MAP3K11: variants seen among roughly 807,000 people sequenced by gnomAD.
The protein encoded by MAP3K11 is SH3 domain-containing proline-rich kinase.
Under a neutral mutation model 84.9 loss-of-function variants are expected in MAP3K11, and 46 were observed. The observed-to-expected ratio is 0.54, with a 90% confidence interval of 0.43 to 0.69. The LOEUF is 0.69. Among genes scored for constraint, MAP3K11 ranks in the 30% least tolerant of loss-of-function variants. MAP3K11 has a pLI of 0.00. For missense variants in MAP3K11, 1,053 were observed against 1,198.3 expected (o/e 0.88, Z 1.79); for synonymous variants, 527 against 514.7 (o/e 1.02, Z -0.32).
chr11:65,600,797 C>T (rs994568557), intron 8 of MAP3K11, among the ~76,000 whole-genome samples: 11 of 152,158 alleles, frequency 7.2e-5, no homozygotes, highest in African/African-American at 2.7e-4. Flanking sequence ...CTGGCCTTGT[C>T]CCTCTGCCTT....
At position 65,605,970 on chromosome 11, in the gene MAP3K11, T is replaced by A. The variant is rs1439691829; in HGVS notation, c.1715A>T (p.Lys572Met). Residue 572 changes from lysine (K) to methionine (M), a missense_variant, in exon 7 of 10, where the codon AAG (lysine) becomes ATG (methionine). Around this residue, in one of 3 missense-constraint regions of MAP3K11, gnomAD observed 583 missense variants for 566.6 expected, o/e 1.03. Transcript: ENST00000309100. ...CCTCCCATTCTGGGCTTCCCCAGGC[T>A]TGGGGGAACTGGGACCCCAAGCCCA... ...ACWAWGPSSP[K>M]PGEAQNGRRR... 6.2e-7 allele frequency: 1 copy of A among 1,602,772 alleles called. No individual in the cohort carries two copies. The highest frequency in any genetic ancestry group is 8.5e-7 in the Non-Finnish European group (1 of 1,176,300).
At chr11:65,602,444 G>A (rs1196724553) in intron 8 of MAP3K11, among the ~76,000 whole-genome samples, 5 of 152,110 alleles carry the variant, frequency 3.3e-5, no homozygotes, top group East Asian at 3.9e-4. Flanking sequence ...TCAGGAGTTC[G>A]GGACCAGCCT....
Position 65,608,014 on chromosome 11 carries a change from T to C in MAP3K11, c.977A>G (p.Asp326Gly), listed in dbSNP as rs1373598848. Residue 326 changes from aspartate (D) to glycine (G), a missense_variant, in exon 3 of 10, where the codon GAC (aspartate) becomes GGC (glycine). Asp to Gly is a moderately conservative substitution (Grantham distance 94). Transcript: ENST00000309100. ...LTGEVPYRGIDCLAVAYGVAV... is the reference protein window; with the variant it reads ...LTGEVPYRGIGCLAVAYGVAV... Reference sequence around the variant, plus strand: ...TACGCCATAGGCCACAGCAAGGCAGTCAATGCCACGGTATGGCACCTCCCC... The same window carrying C: ...TACGCCATAGGCCACAGCAAGGCAGCCAATGCCACGGTATGGCACCTCCCC... 17 of 1,614,172 alleles carry C rather than the reference T, an allele frequency of 1.1e-5. No individual in the cohort carries two copies. Among genetic ancestry groups the C allele is most frequent in the Non-Finnish European group, 1.4e-5 (17 of 1,180,024 alleles).
chr11:65,606,095 C>A lies in MAP3K11; in HGVS notation c.1604-14G>T. On this transcript the variant is annotated splice_polypyrimidine_tract_variant and intron_variant, in intron 6 of 9. Coordinates refer to ENST00000309100, the MANE Select transcript of MAP3K11 (RefSeq NM_002419.4). ...CTGCAGGCTCCACTGCAGGGGAAAC[C>A]GATGAAATCGGAGATAATCTTTATT... The A allele has an allele frequency of 6.4e-7, 1 of 1,559,080 alleles. No individual in the cohort carries two copies.
At chr11:65,606,228 T>C in intron 6 of MAP3K11, 147 bp from the exon 7 acceptor site, 1 of 911,414 alleles carries the variant, frequency 1.1e-6, no homozygotes, top group Non-Finnish European at 1.5e-6. Flanking sequence ...TAGATGGGTT[T>C]GGGTCTTGGG....
At chr11:65,612,391 T>C (rs1854579757) in intron 1 of MAP3K11, 1 of 152,318 alleles carries the variant, frequency 6.6e-6, no homozygotes, top group African/African-American at 2.4e-5. Flanking sequence ...TCCATCTCCA[T>C]GGCTGAGGAC....
At chr11:65,604,276 C>T (rs143344696) in intron 8 of MAP3K11, among the ~76,000 whole-genome samples, 1 of 152,386 alleles carries the variant, frequency 6.6e-6, no homozygotes, top group East Asian at 1.9e-4. Context: ...GAGCTGAGGG[C>T]CAGAGAGTTC....
Position 65,599,648 on chromosome 11 carries a change from A to G in MAP3K11, c.1952T>C (p.Leu651Pro). The G allele has an allele frequency of 6.5e-7, 1 of 1,543,874 alleles. No homozygotes were observed. Among genetic ancestry groups the G allele is most frequent in the Non-Finnish European group, 8.7e-7 (1 of 1,149,472 alleles). Residue 651 changes from leucine to proline, a missense_variant, in exon 9 of 10, where the codon CTG (leucine) becomes CCG (proline). Coordinates refer to ENST00000309100, the MANE Select transcript of MAP3K11 (RefSeq NM_002419.4). ...IQRALLRGTALLASLGLGRDL... is the reference protein window; with the variant it reads ...IQRALLRGTAPLASLGLGRDL... The stretch of plus-strand genomic sequence containing the variant: ...GCGGCCAAGGCCCAGCGAGGCGAGC[A>G]GGGCGGTGCCGCGCAGCAGCGCCCG...
chr11:65,608,207 G>A (rs991900561), intron 2 of MAP3K11, 61 bp downstream of exon 2: 1 of 1,591,860 alleles, frequency 6.3e-7, no homozygotes, highest in Non-Finnish European at 8.6e-7. Context: ...CTAGATTTAG[G>A]CAGCCACCTC....
In MAP3K11 at chr11:65,607,788, C is replaced by G; in HGVS notation, c.1098G>C (p.Arg366Ser). The change falls in exon 4 of 10, where the codon AGG (arginine) becomes AGC (serine). Residue 366 changes from arginine to serine, a missense_variant. Transcript: ENST00000309100. ...GCTGCAGGATGGAGGCGAAGTCGGG[C>G]CTGCGGTGGGGGTCCTGCGCCCAGC... ...ADCWAQDPHRRPDFASILQQL... is the reference protein window; with the variant it reads ...ADCWAQDPHRSPDFASILQQL... The G allele has an allele frequency of 6.2e-7, 1 of 1,612,604 alleles. No homozygotes were observed. Among genetic ancestry groups the G allele is most frequent in the Non-Finnish European group, 8.5e-7 (1 of 1,179,468 alleles).
At position 65,598,215 on chromosome 11, in the gene MAP3K11, T is replaced by A. The variant is rs752756299; in HGVS notation, c.*76A>T. 15 of 1,252,432 alleles carry A rather than the reference T, an allele frequency of 1.2e-5. No individual in the cohort carries two copies. The highest frequency in any genetic ancestry group is 1.5e-5 in the Non-Finnish European group (15 of 968,010). 77.6% of individuals were successfully genotyped at this position (1,252,432 alleles called of 1,614,324 possible). A position where few individuals can be genotyped will look rare whatever the true frequency, so the allele number is the denominator to read the frequency against. Reference sequence around the variant, plus strand: ...GGGAAACTGAGGCAGCTGCAGAGGCTGACCCAGCTCCTGTTCCAGTGTATG... The same window carrying A: ...GGGAAACTGAGGCAGCTGCAGAGGCAGACCCAGCTCCTGTTCCAGTGTATG... On this transcript the variant is annotated 3_prime_UTR_variant, in exon 10 of 10. Coordinates refer to ENST00000309100, the MANE Select transcript of MAP3K11 (RefSeq NM_002419.4).
intron 8 of MAP3K11, among the ~76,000 whole-genome samples, chr11:65,604,449 G>C (rs1372004638): frequency 1.3e-5 from 2 of 152,268 alleles, no homozygotes; most frequent in Non-Finnish European, 2.9e-5. Flanking sequence ...GATGCTGGGG[G>C]CAGTGCAGCT....
chr11:65,603,588 G>A (rs531214577), intron 8 of MAP3K11, among the ~76,000 whole-genome samples: 2 of 152,374 alleles, frequency 1.3e-5, no homozygotes, highest in South Asian at 4.1e-4. Flanking sequence ...CAGGGTCTGG[G>A]ACCTCTGTGA....
chr11:65,608,514 G>A (rs1590857544), intron 1 of MAP3K11, 66 bp from the exon 2 acceptor site: 1 of 1,500,422 alleles, frequency 6.7e-7, no homozygotes, highest in Non-Finnish European at 9.2e-7. Flanking sequence ...TAAGAGCTGG[G>A]AGCAAACTCA....
At chr11:65,601,324 C>T (rs1219417873) in intron 8 of MAP3K11, among the ~76,000 whole-genome samples, 2 of 152,170 alleles carry the variant, frequency 1.3e-5, no homozygotes, top group African/African-American at 4.8e-5. Flanking sequence ...GTGAAGCCCT[C>T]CCAGAATCTC....
chr11:65,604,471 A>G (rs936840830), intron 8 of MAP3K11, among the ~76,000 whole-genome samples: 1 of 152,370 alleles, frequency 6.6e-6, no homozygotes, highest in Admixed American at 6.5e-5. Context: ...CTGGAGTAGC[A>G]AATGGCGGGG....
chr11:65,602,570 T>C (rs1478365765), intron 8 of MAP3K11, among the ~76,000 whole-genome samples: 1 of 151,342 alleles, frequency 6.6e-6, no homozygotes, highest in Admixed American at 6.6e-5. Flanking sequence ...CACTTGAACC[T>C]GGGAGGTGGA....
intron 4 of MAP3K11, 31 bp from the exon 5 acceptor site, chr11:65,607,544 C>G (rs776484664): frequency 1.3e-6 from 2 of 1,549,258 alleles, no homozygotes; most frequent in South Asian, 2.4e-5. Context: ...GTGGAGAGGT[C>G]AGCCTGGCAC....
chr11:65,603,341 T>TA (rs1437693993), intron 8 of MAP3K11, among the ~76,000 whole-genome samples: 1 of 152,206 alleles, frequency 6.6e-6, no homozygotes, highest in African/African-American at 2.4e-5. Flanking sequence ...GACCCAAAGA[T>TA]AGATAGATAG....
Sources: allele counts gnomAD v4.1 joint callset (sites outside exome capture counted in the v4.1 genomes callset), GRCh38; gene constraint gnomAD v4.1.1; regional missense constraint gnomAD v4.1.1; transcripts MANE v1.5; gene names NCBI Gene and HGNC (gene_info 2026-07-23, HGNC 2026-07-21).